The following TRDN variants were observed in gnomAD, a reference collection of about 807,000 sequenced individuals.
TRDN encodes triadin in skeletal muscle.
A neutral mutation model predicts 149.7 loss-of-function variants in TRDN; 161 were observed. The ratio of observed to expected loss-of-function variants is 1.08; its 90% CI spans 0.95 to 1.23. The LOEUF (loss-of-function observed/expected upper bound fraction) is 1.23, where lower values mean the gene tolerates loss of function less well. TRDN is among the 50% of genes most tolerant of loss of function. The pLI, the probability that TRDN is intolerant of heterozygous loss-of-function variation, is 0.00. For synonymous variants in TRDN, 294 were observed against 250.5 expected (o/e 1.17, Z -1.64); for missense variants, 896 against 823.5 (o/e 1.09, Z -1.08).
intron 12 of TRDN, among the ~76,000 whole-genome samples, chr6:123,433,377 A>G (rs1269112499): frequency 6.6e-6 from 1 of 151,876 alleles, no homozygotes. Flanking sequence ...GAACTTGTGG[A>G]CATTTTGTCT....
At chr6:123,245,654 C>T (rs934131748) in intron 38 of TRDN, among the ~76,000 whole-genome samples, 7 of 152,114 alleles carry the variant, frequency 4.6e-5, no homozygotes, top group Non-Finnish European at 1.0e-4. Context: ...GAAACTTTAA[C>T]ATCCCACTTT....
intron 24 of TRDN, 138 bp downstream of exon 24, chr6:123,316,319 G>T: frequency 1.3e-6 from 1 of 786,036 alleles, no homozygotes; most frequent in Non-Finnish European, 2.1e-6. Context: ...AAAATATATG[G>T]CACATAGCAT....
At chr6:123,409,085 A>G (rs1308097942) in intron 12 of TRDN, among the ~76,000 whole-genome samples, 1 of 152,232 alleles carries the variant, frequency 6.6e-6, no homozygotes, top group Non-Finnish European at 1.5e-5. Context: ...ACACTCATTA[A>G]TGAGGAACAT....
chr6:123,538,924 T>C (rs568201778), intron 4 of TRDN, among the ~76,000 whole-genome samples: 2 of 152,298 alleles, frequency 1.3e-5, no homozygotes, highest in African/African-American at 4.8e-5. Flanking sequence ...GAAGTACAAA[T>C]GATTGCAAAT....
intron 40 of TRDN, 55 bp downstream of exon 40, chr6:123,221,432 T>A: frequency 7.7e-7 from 1 of 1,305,650 alleles, no homozygotes; most frequent in South Asian, 1.4e-5. Context: ...TTTACATAGA[T>A]GTAGCATCTT....
intron 33 of TRDN, 93 bp downstream of exon 33, chr6:123,265,225 C>T (rs975273914): frequency 1.0e-5 from 10 of 966,882 alleles, no homozygotes; most frequent in Non-Finnish European, 1.2e-5. Flanking sequence ...AACAAACAGA[C>T]CATACTATTT....
At chr6:123,275,892 A>G (rs1777352574) in intron 26 of TRDN, among the ~76,000 whole-genome samples, 1 of 152,176 alleles carries the variant, frequency 6.6e-6, no homozygotes, top group Non-Finnish European at 1.5e-5. Context: ...TTTACATAGA[A>G]CAGAAATGTA....
intron 12 of TRDN, among the ~76,000 whole-genome samples, chr6:123,412,105 C>T (rs1229409487): frequency 3.9e-5 from 6 of 152,176 alleles, no homozygotes; most frequent in African/African-American, 1.2e-4. Flanking sequence ...AACACTATAA[C>T]GCAGTACTAT....
chr6:123,452,954 T>G (rs1775877621), intron 10 of TRDN, among the ~76,000 whole-genome samples: 1 of 151,910 alleles, frequency 6.6e-6, no homozygotes, highest in African/African-American at 2.4e-5. Flanking sequence ...CCCGAATACT[T>G]ACAGCCAACT....
chr6:123,265,394 T>G, intron 32 of TRDN, 56 bp from the exon 33 acceptor site: 1 of 1,161,004 alleles, frequency 8.6e-7, no homozygotes, highest in African/African-American at 1.6e-5. Flanking sequence ...TATCTATGGG[T>G]GACATATCAG....
chr6:123,272,084 TTC>T, intron 29 of TRDN, among the ~76,000 whole-genome samples: 1 of 152,118 alleles, frequency 6.6e-6, no homozygotes, highest in African/African-American at 2.4e-5. Flanking sequence ...TTCCTATATT[TTC>T]TGTTGTTGGT....
chr6:123,453,652 T>C (rs1775924820), intron 10 of TRDN, among the ~76,000 whole-genome samples: 1 of 152,184 alleles, frequency 6.6e-6, no homozygotes, highest in South Asian at 2.1e-4. Context: ...TCTACACTGC[T>C]GGTGGGGATG....
At position 123,337,423 on chromosome 6, in the gene TRDN, A is replaced by G. The variant is rs62418962; in HGVS notation, c.1420+196T>C. On this transcript the variant is annotated intron_variant, in intron 22 of 40. Coordinates refer to ENST00000334268, the MANE Select transcript of TRDN (RefSeq NM_006073.4). Reference sequence around the variant, plus strand: ...TTTGGGATTTTTGGGAATTGTAATCAGAGCACTTTCTTGGTAATAATGAGA... The same window carrying G: ...TTTGGGATTTTTGGGAATTGTAATCGGAGCACTTTCTTGGTAATAATGAGA... 0.012 allele frequency among the ~76,000 whole-genome samples: 1,806 copies of G among 151,992 alleles called. 22 individuals carry two copies. The highest frequency in any genetic ancestry group is 0.017 in the Non-Finnish European group (1,179 of 67,936).
intron 10 of TRDN, among the ~76,000 whole-genome samples, chr6:123,451,287 A>T (rs2114654326): frequency 6.6e-6 from 1 of 151,736 alleles, no homozygotes; most frequent in East Asian, 1.9e-4. Flanking sequence ...CAACAAAAAA[A>T]TACAAAAGAT....
At chr6:123,614,729 A>T (rs9401692) in intron 1 of TRDN, among the ~76,000 whole-genome samples, 64,054 of 151,746 alleles carry the variant, frequency 0.42, 15,352 homozygotes, top group African/African-American at 0.66. Flanking sequence ...CTTTAAGGCA[A>T]TGGTCTGGGA....
chr6:123,419,079 G>T (rs759170282), intron 12 of TRDN, among the ~76,000 whole-genome samples: 19 of 151,904 alleles, frequency 1.3e-4, no homozygotes, highest in Admixed American at 6.6e-5. Context: ...GCTAAAAAAA[G>T]AAACTGATAG....
At chr6:123,498,920 C>T (rs1778563165) in intron 8 of TRDN, among the ~76,000 whole-genome samples, 1 of 152,034 alleles carries the variant, frequency 6.6e-6, no homozygotes, top group Admixed American at 6.6e-5. Flanking sequence ...CAAAGGGCAA[C>T]TTAAACACGA....
intron 9 of TRDN, among the ~76,000 whole-genome samples, chr6:123,493,668 G>T (rs919871927): frequency 6.6e-6 from 1 of 152,076 alleles, no homozygotes; most frequent in African/African-American, 2.4e-5. Flanking sequence ...AAACAATACA[G>T]GTGTTACACT....
intron 29 of TRDN, among the ~76,000 whole-genome samples, chr6:123,272,749 A>G (rs1777245496): frequency 6.6e-6 from 1 of 151,920 alleles, no homozygotes; most frequent in African/African-American, 2.4e-5. Context: ...CTCTGGTGGG[A>G]AGGGAAGACT....
Sources: gnomAD v4.1 joint callset for allele counts (sites outside exome capture counted in the v4.1 genomes callset) on GRCh38, gnomAD v4.1.1 for gene constraint, MANE v1.5 for transcripts, NCBI Gene and HGNC (gene_info 2026-07-23, HGNC 2026-07-21) for gene names.